CDYL: variants seen among roughly 807,000 people sequenced by gnomAD.
CDYL encodes the protein chromodomain Y-like protein.
In CDYL, 8 loss-of-function variants were observed where a neutral mutation model predicts 47.3. The ratio of observed to expected loss-of-function variants is 0.17; its 90% CI spans 0.10 to 0.31. The LOEUF (loss-of-function observed/expected upper bound fraction) is 0.31. Ranked by LOEUF, CDYL falls within the 10% of genes least tolerant of loss-of-function variation. The probability of loss-of-function intolerance (pLI) is 1.00; values close to 1 mark genes in which losing one functional copy is unlikely to be tolerated. For missense variants in CDYL, 471 were observed against 701.4 expected, an observed-to-expected ratio of 0.67 and a Z score of 3.71; for synonymous variants, 266 against 265.0, an observed-to-expected ratio of 1.00 and a Z score of -0.04.
chr6:4,952,479 A>C, intron 6 of CDYL, 70 bp downstream of exon 6: 1 of 1,522,152 alleles, frequency 6.6e-7, no homozygotes, highest in Non-Finnish European at 8.9e-7. Flanking sequence ...AGAGCTCACA[A>C]ATTTGCAATT....
intron 3 of CDYL, among the ~76,000 whole-genome samples, chr6:4,770,213 G>T (rs1004011012): frequency 1.3e-5 from 2 of 152,038 alleles, no homozygotes; most frequent in Non-Finnish European, 2.9e-5. Context: ...AGGGATGATT[G>T]TATGTACATT....
chr6:4,838,831 T>C (rs1760402329), intron 1 of CDYL, among the ~76,000 whole-genome samples: 1 of 152,016 alleles, frequency 6.6e-6, no homozygotes, highest in Non-Finnish European at 1.5e-5. Flanking sequence ...GGATTACAGG[T>C]GAGTGTTACC....
chr6:4,754,292 A>C (rs564302792), intron 3 of CDYL, among the ~76,000 whole-genome samples: 1 of 152,370 alleles, frequency 6.6e-6, no homozygotes, highest in East Asian at 1.9e-4. Context: ...TTTCAGAGGC[A>C]TGTGTTAAGT....
chr6:4,905,887 C>T (rs1757220502), intron 2 of CDYL, among the ~76,000 whole-genome samples: 1 of 152,114 alleles, frequency 6.6e-6, no homozygotes, highest in Non-Finnish European at 1.5e-5. Context: ...TTAGGGGATC[C>T]CTCACCCACA....
At chr6:4,750,189 TATTTA>T (rs1469885767) in intron 3 of CDYL, among the ~76,000 whole-genome samples, 1 of 151,866 alleles carries the variant, frequency 6.6e-6, no homozygotes, top group Non-Finnish European at 1.5e-5. Context: ...AAAAAGTTTT[TATTTA>T]ATTTAATTTA....
At chr6:4,776,839 C>T (rs1465880883) in intron 1 of CDYL, 32 bp downstream of exon 1, 3 of 880,196 alleles carry the variant, frequency 3.4e-6, no homozygotes, top group Non-Finnish European at 4.1e-6. Flanking sequence ...TCGGGCCGCC[C>T]CCCGCCCGCC....
chr6:4,792,314 C>T (rs908974312), intron 1 of CDYL, among the ~76,000 whole-genome samples: 4 of 151,798 alleles, frequency 2.6e-5, no homozygotes, highest in Middle Eastern at 3.4e-3. Flanking sequence ...CTACTATATA[C>T]GTTGGAAATA....
intron 1 of CDYL, among the ~76,000 whole-genome samples, chr6:4,887,017 GTTTA>G (rs1761917101): frequency 6.6e-6 from 1 of 152,164 alleles, no homozygotes. Flanking sequence ...ATATAAGGGA[GTTTA>G]TTTCAGAGCC....
At chr6:4,761,596 C>T (rs1040102342) in intron 3 of CDYL, among the ~76,000 whole-genome samples, 2 of 152,228 alleles carry the variant, frequency 1.3e-5, no homozygotes, top group Non-Finnish European at 2.9e-5. Context: ...CCTGCCTCAG[C>T]CTCCCAAAGT....
intron 1 of CDYL, 29 bp downstream of exon 1, chr6:4,776,836 G>GC (rs1356697600): frequency 8.9e-6 from 7 of 787,000 alleles, no homozygotes; most frequent in South Asian, 1.1e-4. Context: ...GCCTCGGGCC[G>GC]CCCCCCGCCC....
chr6:4,801,473 G>T (rs1387224163), intron 1 of CDYL, among the ~76,000 whole-genome samples: 1 of 152,196 alleles, frequency 6.6e-6, no homozygotes, highest in Non-Finnish European at 1.5e-5. Context: ...CTGAACTCTT[G>T]TGTTCTTCTG....
At chr6:4,927,429 G>A (rs1415474107) in intron 2 of CDYL, among the ~76,000 whole-genome samples, 3 of 3,972 alleles carry the variant, frequency 7.6e-4, no homozygotes, top group East Asian at 0.1. Flanking sequence ...TTTACTGTAC[G>A]TGTGTGTGTG....
intron 1 of CDYL, among the ~76,000 whole-genome samples, chr6:4,849,019 G>T (rs1434352369): frequency 6.6e-6 from 1 of 152,214 alleles, no homozygotes; most frequent in Non-Finnish European, 1.5e-5. Context: ...GGCCCTAGTT[G>T]TCATTCACCT....
intron 2 of CDYL, among the ~76,000 whole-genome samples, chr6:4,723,786 A>T (rs936590421): frequency 4.6e-5 from 7 of 152,184 alleles, no homozygotes; most frequent in African/African-American, 1.7e-4. Flanking sequence ...GCAACTTAAA[A>T]ATCTAAGGGA....
At chr6:4,888,734 T>C (rs1242830663) in intron 1 of CDYL, among the ~76,000 whole-genome samples, 1 of 152,222 alleles carries the variant, frequency 6.6e-6, no homozygotes, top group Non-Finnish European at 1.5e-5. Flanking sequence ...TTCTTCTTTT[T>C]AGTGTAGGTG....
At chr6:4,836,281 GAAGAA>G in intron 1 of CDYL, 3 of 984,440 alleles carry the variant, frequency 3.0e-6, no homozygotes, top group Non-Finnish European at 3.6e-6. Flanking sequence ...ACTACATAAA[GAAGAA>G]AAAAGTTGCA....
At chr6:4,923,517 G>A (rs1386783971) in intron 2 of CDYL, among the ~76,000 whole-genome samples, 3 of 152,076 alleles carry the variant, frequency 2.0e-5, no homozygotes, top group Non-Finnish European at 4.4e-5. Flanking sequence ...TGTGAATACT[G>A]CTGCAATAAA....
At chr6:4,729,866 C>G (rs1757574840) in intron 2 of CDYL, among the ~76,000 whole-genome samples, 1 of 151,946 alleles carries the variant, frequency 6.6e-6, no homozygotes, top group Non-Finnish European at 1.5e-5. Context: ...TGCAGTGAGC[C>G]ACGATCACGC....
intron 2 of CDYL, among the ~76,000 whole-genome samples, chr6:4,898,683 C>T (rs1041024437): frequency 6.6e-6 from 1 of 152,102 alleles, no homozygotes; most frequent in Non-Finnish European, 1.5e-5. Context: ...CGCAAACCTG[C>T]GTGTGCTTAA....
Sources: gnomAD v4.1 joint callset for allele counts (sites outside exome capture counted in the v4.1 genomes callset) on GRCh38, gnomAD v4.1.1 for gene constraint, MANE v1.5 for transcripts, NCBI Gene and HGNC (gene_info 2026-07-23, HGNC 2026-07-21) for gene names.